The following CNGB3 variants were observed in gnomAD, a reference collection of about 807,000 sequenced individuals.
CNGB3 encodes the protein cyclic nucleotide gated channel subunit beta 3, also known as cyclic nucleotide-gated channel beta-3.
CNGB3 carries 86 observed loss-of-function variants against 92.8 expected under a neutral mutation model. That is an observed-to-expected ratio of 0.93 (90% confidence interval 0.78 to 1.11). The LOEUF is 1.11. Ranked by LOEUF, CNGB3 falls within the 50% of genes least tolerant of loss-of-function variation. CNGB3 has a pLI of 0.00. For synonymous variants in CNGB3, 333 were observed against 332.7 expected, an observed-to-expected ratio of 1.00 and a Z score of -0.01; for missense variants, 1,026 against 956.8, an observed-to-expected ratio of 1.07 and a Z score of -0.95.
At position 86,713,551 on chromosome 8, in the gene CNGB3, C is replaced by T. The variant is rs575036672; in HGVS notation, c.338+12980G>A. On this transcript the variant is annotated intron_variant, in intron 3 of 17. Coordinates refer to ENST00000320005, the MANE Select transcript of CNGB3 (RefSeq NM_019098.5). ...TGTATCCTAAATGAATTTTTAAATCCTTGATCCATTCATAAATGAAGATAA... is the reference window on the plus strand; with the variant it reads ...TGTATCCTAAATGAATTTTTAAATCTTTGATCCATTCATAAATGAAGATAA... 4.3e-4 allele frequency among the ~76,000 whole-genome samples: 65 copies of T among 152,224 alleles called. No individual in the cohort carries two copies. The Middle Eastern group carries it at 0.01, about 24-fold the overall frequency.
At chr8:86,670,792 C>A in intron 4 of CNGB3, 152 bp downstream of exon 4, 2 of 870,682 alleles carry the variant, frequency 2.3e-6, no homozygotes, top group Non-Finnish European at 3.8e-6. Context: ...TCTGTCTCAC[C>A]ACTCGTACCT....
At chr8:86,693,699 C>A (rs375510144) in intron 3 of CNGB3, among the ~76,000 whole-genome samples, 13,625 of 151,350 alleles carry the variant, frequency 0.09, 671 homozygotes, top group East Asian at 0.13. Flanking sequence ...CATCTTGCGC[C>A]GCCCTTAATC....
At chr8:86,728,460 C>A (rs1825101651) in intron 2 of CNGB3, among the ~76,000 whole-genome samples, 1 of 152,114 alleles carries the variant, frequency 6.6e-6, no homozygotes, top group Admixed American at 6.5e-5. Flanking sequence ...CATATTTTTC[C>A]ATTTCTCTTT....
chr8:86,684,930 A>G (rs1044957883), intron 3 of CNGB3, among the ~76,000 whole-genome samples: 6 of 152,098 alleles, frequency 3.9e-5, no homozygotes, highest in Admixed American at 3.3e-4. Flanking sequence ...TTGCACATGT[A>G]ATAAAATTGC....
intron 15 of CNGB3, among the ~76,000 whole-genome samples, chr8:86,591,989 G>A (rs11987077): frequency 0.22 from 32,804 of 151,894 alleles, 5,232 homozygotes; most frequent in African/African-American, 0.46. Flanking sequence ...AGCAATCAGC[G>A]AGACTCCGTG....
chr8:86,732,218 C>A (rs551728607), intron 2 of CNGB3, among the ~76,000 whole-genome samples: 1 of 152,332 alleles, frequency 6.6e-6, no homozygotes, highest in East Asian at 1.9e-4. Flanking sequence ...CCATGCCAAA[C>A]TTCGCTCTTT....
intron 3 of CNGB3, among the ~76,000 whole-genome samples, chr8:86,675,213 C>T (rs542477516): frequency 2.6e-5 from 4 of 152,068 alleles, no homozygotes; most frequent in East Asian, 1.9e-4. Flanking sequence ...CCACCTTCTT[C>T]GGCCTCCCAG....
Position 86,671,118 on chromosome 8 carries a change from G to T in CNGB3, c.339-20C>A. On this transcript the variant is annotated intron_variant, in intron 3 of 17. Transcript: ENST00000320005. The stretch of plus-strand genomic sequence containing the variant: ...TGTGGGCTAAATGAGAAAAAAAATG[G>T]CAATAGAGATGGGCCCATGAAGAAA... 6 of 1,612,428 alleles carry T rather than the reference G, an allele frequency of 3.7e-6. No homozygotes were observed. Among genetic ancestry groups the T allele is most frequent in the Non-Finnish European group, 5.1e-6 (6 of 1,179,760 alleles).
At chr8:86,641,204 T>C (rs1823177262) in intron 10 of CNGB3, among the ~76,000 whole-genome samples, 2 of 152,084 alleles carry the variant, frequency 1.3e-5, no homozygotes, top group South Asian at 4.1e-4. Flanking sequence ...GAAGTTACCC[T>C]ATATAGTCTA....
At chr8:86,669,962 T>C (rs1823822751) in intron 4 of CNGB3, among the ~76,000 whole-genome samples, 1 of 152,120 alleles carries the variant, frequency 6.6e-6, no homozygotes, top group Non-Finnish European at 1.5e-5. Flanking sequence ...GCGATTCCCC[T>C]GCCTCACCTC....
intron 3 of CNGB3, among the ~76,000 whole-genome samples, chr8:86,671,592 T>G (rs530887163): frequency 1.3e-5 from 2 of 152,362 alleles, no homozygotes; most frequent in South Asian, 4.1e-4. Context: ...TTTCTCCAGC[T>G]GCTGACACAG....
intron 6 of CNGB3, among the ~76,000 whole-genome samples, chr8:86,666,553 A>G (rs140241242): frequency 3.9e-5 from 6 of 152,300 alleles, no homozygotes; most frequent in African/African-American, 1.4e-4. Flanking sequence ...TAAGGGAAGT[A>G]TTATAAATAA....
intron 2 of CNGB3, among the ~76,000 whole-genome samples, chr8:86,727,265 A>G (rs1407427468): frequency 6.6e-6 from 1 of 152,196 alleles, no homozygotes; most frequent in Admixed American, 6.5e-5. Context: ...GATATTGACA[A>G]AGCTGAGAAT....
chr8:86,661,957 T>C (rs938933018), intron 6 of CNGB3: 2 of 628,430 alleles, frequency 3.2e-6, no homozygotes, highest in South Asian at 1.8e-5. Context: ...CAACCCATCA[T>C]GGAACAGTCC....
intron 15 of CNGB3, among the ~76,000 whole-genome samples, chr8:86,592,094 C>T (rs1332069526): frequency 3.9e-5 from 6 of 152,216 alleles, no homozygotes; most frequent in African/African-American, 1.4e-4. Context: ...GTGGGAGTGA[C>T]CCGATTTTCC....
rs375837622 is a variant in CNGB3 at position 86,643,740 on chromosome 8, T to C, written c.1178+11A>G. 2.2e-5 allele frequency: 36 copies of C among 1,603,974 alleles called. No individual in the cohort carries two copies. In the African/African-American group the frequency reaches 4.1e-4, roughly 18 times the overall value. ...TAATCAATAAAGGTTTCTTTCAAAA[T>C]CAGAACTTACTCGTTTCCTTCCCCA... On this transcript the variant is annotated intron_variant, in intron 10 of 17. Transcript: ENST00000320005.
chr8:86,578,935 C>T (rs1374489518), intron 16 of CNGB3, 72 bp from the exon 17 acceptor site: 1 of 1,590,774 alleles, frequency 6.3e-7, no homozygotes, highest in African/African-American at 1.3e-5. Flanking sequence ...AAAAAAACTG[C>T]AATTTATCCT....
chr8:86,673,413 A>ATG (rs1037387457), intron 3 of CNGB3, among the ~76,000 whole-genome samples: 23 of 152,012 alleles, frequency 1.5e-4, no homozygotes, highest in African/African-American at 4.1e-4. Context: ...AACAGAGTAT[A>ATG]TGTGTGTGTG....
In CNGB3 at chr8:86,575,513, A is replaced by G; in HGVS notation, c.*291T>C. ...GCAAGCTAATAAAACTGGAAGGAAG[A>G]GACATCATCAGGAAAGAACCAAAGG... On this transcript the variant is annotated 3_prime_UTR_variant, in exon 18 of 18. Coordinates refer to ENST00000320005, the MANE Select transcript of CNGB3 (RefSeq NM_019098.5). The G allele has an allele frequency of 3.4e-6, 1 of 291,888 alleles. No homozygotes were observed. Among genetic ancestry groups the G allele is most frequent in the Non-Finnish European group, 6.3e-6 (1 of 158,306 alleles). 18.1% of individuals were successfully genotyped at this position (291,888 alleles called of 1,614,324 possible). A position where few individuals can be genotyped will look rare whatever the true frequency, so the allele number is the denominator to read the frequency against.
Sources: gnomAD v4.1 joint callset for allele counts (sites outside exome capture counted in the v4.1 genomes callset) on GRCh38, gnomAD v4.1.1 for gene constraint, MANE v1.5 for transcripts, NCBI Gene and HGNC (gene_info 2026-07-23, HGNC 2026-07-21) for gene names.